The following OSBPL6 variants were observed in gnomAD, a reference collection of about 807,000 sequenced individuals.
OSBPL6 encodes oxysterol-binding protein-related protein 6.
OSBPL6 carries 49 observed loss-of-function variants against 125.8 expected under a neutral mutation model. The ratio of observed to expected loss-of-function variants is 0.39; its 90% CI spans 0.31 to 0.49. The LOEUF is 0.49. OSBPL6 is among the 20% of genes least tolerant of loss of function. The pLI, the probability that OSBPL6 is intolerant of heterozygous loss-of-function variation, is 0.88. For missense variants in OSBPL6, 986 were observed against 1,135.4 expected (o/e 0.87, Z 1.89); for synonymous variants, 394 against 391.8 (o/e 1.01, Z -0.07).
At chr2:178,339,824 A>G in intron 11 of OSBPL6, 60 bp downstream of exon 11, 1 of 1,288,756 alleles carries the variant, frequency 7.8e-7, no homozygotes, top group Non-Finnish European at 1.1e-6. Flanking sequence ...ACTAGTCTTT[A>G]TACATCAGTT....
At chr2:178,233,948 A>G (rs1043196002) in intron 1 of OSBPL6, among the ~76,000 whole-genome samples, 4 of 152,178 alleles carry the variant, frequency 2.6e-5, no homozygotes, top group Non-Finnish European at 5.9e-5. Flanking sequence ...CATGCTTTAC[A>G]TATTGAGACA....
intron 12 of OSBPL6, among the ~76,000 whole-genome samples, chr2:178,352,668 GA>G (rs1175209089): frequency 6.6e-6 from 1 of 152,110 alleles, no homozygotes; most frequent in Non-Finnish European, 1.5e-5. Flanking sequence ...GGGCATAGTT[GA>G]AAAAAAGGCA....
intron 14 of OSBPL6, among the ~76,000 whole-genome samples, chr2:178,372,938 A>G (rs188821264): frequency 1.4e-3 from 209 of 152,348 alleles, no homozygotes; most frequent in African/African-American, 4.8e-3. Context: ...CCATAAAATT[A>G]TTACTTTATA....
chr2:178,371,423 A>G (rs1194539456), intron 13 of OSBPL6, among the ~76,000 whole-genome samples: 1 of 152,202 alleles, frequency 6.6e-6, no homozygotes, highest in East Asian at 1.9e-4. Context: ...GTAGTGTTTT[A>G]CTGATGCTAA....
In OSBPL6 at chr2:178,300,880, A is replaced by G. The variant is rs16866231; in HGVS notation, c.-155-5150A>G. 0.015 allele frequency among the ~76,000 whole-genome samples: 2,313 copies of G among 152,290 alleles called. 102 individuals carry two copies. The East Asian group carries it at 0.18, about 12-fold the overall frequency. On this transcript the variant is annotated intron_variant, in intron 2 of 24. Coordinates refer to ENST00000190611, the MANE Select transcript of OSBPL6 (RefSeq NM_032523.4). Reference sequence around the variant, plus strand: ...TCTTTCAAATTATTGTCAAATATAAAAGGCTATTAAAACCATATGAAAGTC... The same window carrying G: ...TCTTTCAAATTATTGTCAAATATAAGAGGCTATTAAAACCATATGAAAGTC...
At chr2:178,260,587 G>T (rs113294370) in intron 1 of OSBPL6, among the ~76,000 whole-genome samples, 1,888 of 152,224 alleles carry the variant, frequency 0.012, 31 homozygotes, top group African/African-American at 0.036. Context: ...GGCACAAGGG[G>T]TGGTGATTAC....
intron 15 of OSBPL6, among the ~76,000 whole-genome samples, chr2:178,378,771 C>T (rs1213628290): frequency 6.6e-6 from 1 of 152,186 alleles, no homozygotes; most frequent in Admixed American, 6.5e-5. Context: ...ACACATGTGA[C>T]ATGTATACAT....
intron 13 of OSBPL6, among the ~76,000 whole-genome samples, chr2:178,366,751 C>T (rs1188845051): frequency 6.6e-6 from 1 of 152,212 alleles, no homozygotes; most frequent in African/African-American, 2.4e-5. Flanking sequence ...ATAAAAGTTG[C>T]AAGTGTATTT....
At chr2:178,301,923 G>C (rs930400510) in intron 2 of OSBPL6, among the ~76,000 whole-genome samples, 1 of 152,178 alleles carries the variant, frequency 6.6e-6, no homozygotes, top group East Asian at 1.9e-4. Context: ...TGGAAGCAGA[G>C]AGACGGGGCC....
Position 178,289,766 on chromosome 2 carries a change from A to G in OSBPL6, c.-156+4645A>G, listed in dbSNP as rs980837587. Among the ~76,000 whole-genome samples the G allele has an allele frequency of 2.0e-5, 3 of 152,320 alleles. 1 individual carries two copies. Among genetic ancestry groups the G allele is most frequent in the African/African-American group, 7.2e-5 (3 of 41,590 alleles). On this transcript the variant is annotated intron_variant, in intron 2 of 24. Transcript: ENST00000190611. ...GTCATTCACTTGTTGAAGTTAAGCC[A>G]CTTTGGGAATAGAACTTTCCACATA...
intron 15 of OSBPL6, among the ~76,000 whole-genome samples, 183 bp from the exon 16 acceptor site, chr2:178,382,237 A>G (rs1393728477): frequency 6.6e-6 from 1 of 152,192 alleles, no homozygotes; most frequent in Non-Finnish European, 1.5e-5. Context: ...GCTCCCTTCT[A>G]GTGATCCTAT....
intron 12 of OSBPL6, among the ~76,000 whole-genome samples, chr2:178,357,836 A>G (rs1242866900): frequency 1.3e-5 from 2 of 152,200 alleles, no homozygotes; most frequent in Non-Finnish European, 2.9e-5. Flanking sequence ...AACCAACCCA[A>G]ATGTCCATCA....
chr2:178,349,187 C>T (rs755044495), intron 11 of OSBPL6, 37 bp from the exon 12 acceptor site: 2 of 1,597,432 alleles, frequency 1.3e-6, no homozygotes, highest in Non-Finnish European at 1.7e-6. Context: ...AAACAATGCA[C>T]TGTTGCTGTT....
chr2:178,286,956 CTAAATGAAATT>C, intron 2 of OSBPL6, among the ~76,000 whole-genome samples: 1 of 54,514 alleles, frequency 1.8e-5, no homozygotes, highest in East Asian at 6.0e-4. Context: ...TATATTGTTG[CTAAATGAAATT>C]CATGCGTAAT....
At chr2:178,305,212 A>C (rs1010654944) in intron 2 of OSBPL6, among the ~76,000 whole-genome samples, 1 of 152,188 alleles carries the variant, frequency 6.6e-6, no homozygotes, top group Admixed American at 6.5e-5. Flanking sequence ...CTTTTGGGAA[A>C]TATCATTTTT....
At position 178,394,425 on chromosome 2, in the gene OSBPL6, A is replaced by C; in HGVS notation, c.2686A>C (p.Lys896Gln). The change falls in exon 24 of 25, where the codon AAA becomes CAA. Residue 896 changes from lysine (K) to glutamine (Q), a missense_variant. Transcript: ENST00000190611. ...AGAAAACAATCTTGAACATATACCA[A>C]AATTTTTTAAGTAAGTCAGTTAACT... is the stretch of plus-strand genomic sequence containing the variant. ...MEENNLEHIP[K>Q]FFKKVIDANQ... 6.2e-7 allele frequency: 1 copy of C among 1,608,012 alleles called. No individual in the cohort carries two copies. Among genetic ancestry groups the C allele is most frequent in the South Asian group, 1.1e-5 (1 of 89,252 alleles).
chr2:178,395,392 C>A, intron 24 of OSBPL6, 59 bp from the exon 25 acceptor site: 1 of 1,204,944 alleles, frequency 8.3e-7, no homozygotes, highest in Non-Finnish European at 1.2e-6. Context: ...AGGAGAGGGT[C>A]CTATTTAAGG....
At chr2:178,333,448 T>G (rs970355810) in intron 8 of OSBPL6, among the ~76,000 whole-genome samples, 1 of 152,178 alleles carries the variant, frequency 6.6e-6, no homozygotes, top group Non-Finnish European at 1.5e-5. Flanking sequence ...GAGTCTCATT[T>G]GGGAAAACCA....
intron 8 of OSBPL6, among the ~76,000 whole-genome samples, chr2:178,335,325 G>A (rs562583814): frequency 6.6e-6 from 1 of 152,218 alleles, no homozygotes; most frequent in South Asian, 2.1e-4. Context: ...CTTGAAATAA[G>A]AAAGCTCTTC....
Sources: gnomAD v4.1 joint callset for allele counts (sites outside exome capture counted in the v4.1 genomes callset) on GRCh38, gnomAD v4.1.1 for gene constraint, MANE v1.5 for transcripts, NCBI Gene and HGNC (gene_info 2026-07-23, HGNC 2026-07-21) for gene names.